The following ANKRD36B variants were observed in gnomAD, a reference collection of about 807,000 sequenced individuals.
ANKRD36B encodes ankyrin repeat domain-containing protein 36B.
ANKRD36B carries 37 observed loss-of-function variants against 135.7 expected under a neutral mutation model. That is an observed-to-expected ratio of 0.27 (90% CI 0.21 to 0.36). The LOEUF is 0.36. ANKRD36B is among the 10% of genes least tolerant of loss of function. The probability of loss-of-function intolerance (pLI) is 1.00; values close to 1 mark genes in which losing one functional copy is unlikely to be tolerated. For missense variants in ANKRD36B, 549 were observed against 1,037.1 expected, an observed-to-expected ratio of 0.53 and a Z score of 6.46; for synonymous variants, 179 against 348.1, an observed-to-expected ratio of 0.51 and a Z score of 5.41.
chr2:97,555,233 G>C lies in ANKRD36B; in HGVS notation c.1091C>G (p.Ala364Gly), dbSNP rs2080408765. The change falls in exon 13 of 44, where the codon GCC (alanine) becomes GGC (glycine). Residue 364 changes from alanine to glycine, a missense_variant. Coordinates refer to ENST00000359901, the MANE Select transcript of ANKRD36B (RefSeq NM_001393939.1). Reference sequence around the variant, plus strand: ...AAATGAGAATTTAATTACCTTTGAGGCTGGTTGTTTCTGAGAAGACACTGA... The same window carrying C: ...AAATGAGAATTTAATTACCTTTGAGCCTGGTTGTTTCTGAGAAGACACTGA... ...SGTVSSQKQP[A>G]SKTASDKTDS... 1 of 1,611,208 alleles carries C rather than the reference G, an allele frequency of 6.2e-7. No homozygotes were observed. The highest frequency in any genetic ancestry group is 8.5e-7 in the Non-Finnish European group (1 of 1,178,300).
chr2:97,548,993 T>C (rs1240309171), intron 20 of ANKRD36B, among the ~76,000 whole-genome samples: 1 of 151,902 alleles, frequency 6.6e-6, no homozygotes, highest in Non-Finnish European at 1.5e-5. Context: ...GGGGTCTCCT[T>C]AGTTCTCCTA....
At chr2:97,529,250 T>G (rs2104435097) in intron 35 of ANKRD36B, among the ~76,000 whole-genome samples, 1 of 95,410 alleles carries the variant, frequency 1.0e-5, no homozygotes, top group South Asian at 2.4e-4. Flanking sequence ...TGGTTCAATA[T>G]ACGCAAATCA....
At chr2:97,579,678 G>GTATATAT (rs1268769376) in intron 4 of ANKRD36B, among the ~76,000 whole-genome samples, 1 of 129,718 alleles carries the variant, frequency 7.7e-6, no homozygotes, top group Non-Finnish European at 1.7e-5. Flanking sequence ...AATATATATT[G>GTATATAT]TATATATTAT....
intron 6 of ANKRD36B, among the ~76,000 whole-genome samples, chr2:97,565,658 T>A (rs1345406883): frequency 6.6e-6 from 1 of 151,986 alleles, no homozygotes; most frequent in African/African-American, 2.4e-5. Context: ...TGAGATAACA[T>A]CTCATGCCAT....
At chr2:97,559,140 G>A in intron 8 of ANKRD36B, 146 bp from the exon 9 acceptor site, 2 of 1,013,088 alleles carry the variant, frequency 2.0e-6, no homozygotes, top group South Asian at 3.5e-5. Context: ...CTGGAGACTG[G>A]AACATGACAG....
chr2:97,555,827 T>C (rs1028463776), intron 12 of ANKRD36B, among the ~76,000 whole-genome samples: 3 of 152,046 alleles, frequency 2.0e-5, no homozygotes, highest in Admixed American at 6.6e-5. Flanking sequence ...TTATTTATAA[T>C]ACCCATGTGG....
rs1230202765 is a variant in ANKRD36B, at chr2:97,557,017, G to C, written c.997-8C>G. On this transcript the variant is annotated splice_polypyrimidine_tract_variant and splice_region_variant and intron_variant, in intron 11 of 43. Transcript: ENST00000359901. ...TTTCTTTTTAAATATAACCTGAATGGAAAGAGAAACAAAATAGTCAATACA... is the reference window on the plus strand; with the variant it reads ...TTTCTTTTTAAATATAACCTGAATGCAAAGAGAAACAAAATAGTCAATACA... The C allele has an allele frequency of 6.4e-7, 1 of 1,553,768 alleles. No homozygotes were observed.
Position 97,541,912 on chromosome 2 carries a change from T to C in ANKRD36B, c.1884A>G (p.Thr628=). The change falls in exon 28 of 44, where the codon ACA becomes ACG. Residue 628 remains threonine, a splice_region_variant and synonymous_variant. Coordinates refer to ENST00000359901, the MANE Select transcript of ANKRD36B (RefSeq NM_001393939.1). ...CATTAAAGGTGTATTCCAAAATACC[T>C]GTCCCACGTATTTGTCCATCCTTTA... ...TEIKDGQIRG[T]VSSQRRPALK... The C allele has an allele frequency of 3.6e-6, 3 of 826,134 alleles. No individual in the cohort carries two copies. The South Asian group carries it at 3.9e-5, about 11-fold the overall frequency. 51.2% of individuals were successfully genotyped at this position (826,134 alleles called of 1,614,324 possible).
intron 4 of ANKRD36B, among the ~76,000 whole-genome samples, chr2:97,580,105 A>G (rs560618355): frequency 1.3e-5 from 2 of 152,256 alleles, no homozygotes; most frequent in Non-Finnish European, 2.9e-5. Flanking sequence ...AAACCCCTTT[A>G]GCTAATGTAA....
intron 6 of ANKRD36B, among the ~76,000 whole-genome samples, chr2:97,575,336 G>A (rs1193181072): frequency 6.6e-6 from 1 of 151,620 alleles, no homozygotes; most frequent in African/African-American, 2.4e-5. Context: ...ATCATTCTAC[G>A]TCTGCATCTC....
chr2:97,548,131 C>T (rs1463502841), intron 20 of ANKRD36B, among the ~76,000 whole-genome samples: 1 of 151,780 alleles, frequency 6.6e-6, no homozygotes, highest in South Asian at 2.1e-4. Flanking sequence ...AGGATTTACA[C>T]CATTATACTA....
intron 1 of ANKRD36B, among the ~76,000 whole-genome samples, chr2:97,589,158 C>A (rs1273553617): frequency 8.7e-6 from 1 of 115,060 alleles, no homozygotes; most frequent in Non-Finnish European, 1.8e-5. Flanking sequence ...ACCCCATTCA[C>A]CCCCACACCT....
At chr2:97,531,550 G>C (rs1039934099) in intron 35 of ANKRD36B, among the ~76,000 whole-genome samples, 2 of 92,220 alleles carry the variant, frequency 2.2e-5, no homozygotes, top group African/African-American at 6.5e-5. Flanking sequence ...AAAATTTAAA[G>C]TACAATAATA....
chr2:97,562,527 T>C (rs1264725803), intron 6 of ANKRD36B, among the ~76,000 whole-genome samples: 1 of 152,030 alleles, frequency 6.6e-6, no homozygotes, highest in Non-Finnish European at 1.5e-5. Flanking sequence ...TCCTTGTAAC[T>C]TCTGCTTCTG....
intron 6 of ANKRD36B, 130 bp downstream of exon 6, chr2:97,576,249 T>A (rs1401315220): frequency 4.0e-6 from 1 of 248,474 alleles, no homozygotes; most frequent in Non-Finnish European, 8.5e-6. Flanking sequence ...AAATCTAGAC[T>A]ACTAAGTATT....
At chr2:97,567,942 A>G (rs2081567345) in intron 6 of ANKRD36B, among the ~76,000 whole-genome samples, 1 of 152,134 alleles carries the variant, frequency 6.6e-6, no homozygotes, top group Non-Finnish European at 1.5e-5. Flanking sequence ...GGCAATGCCT[A>G]CTGCATTTGC....
rs181367592 is a variant in ANKRD36B, at chr2:97,533,993, T to C, written c.2192-1609A>G. 9.6e-3 allele frequency among the ~76,000 whole-genome samples: 881 copies of C among 91,640 alleles called. 228 individuals carry two copies. Among genetic ancestry groups the C allele is most frequent in the African/African-American group, 0.027 (820 of 30,322 alleles). The allele number at this position is 91,640 out of a possible 152,430, so 60.1% of individuals were successfully genotyped here. A position where few individuals can be genotyped will look rare whatever the true frequency, so the allele number is the denominator to read the frequency against. ...ATCGCTTTAACCCGGGAGGTAGAGG[T>C]TGCAATGAGCCGAGATTGTGCCATT... On this transcript the variant is annotated intron_variant, in intron 34 of 43. Coordinates refer to ENST00000359901, the MANE Select transcript of ANKRD36B (RefSeq NM_001393939.1).
chr2:97,540,580 T>C lies in ANKRD36B; in HGVS notation c.1886-351A>G, dbSNP rs1217003488. ...ACCTGAGAATCAATGTCAAAGTAGG[T>C]GGTACTTGATCCCACAGGTCTTTCA... On this transcript the variant is annotated intron_variant, in intron 28 of 43. Transcript: ENST00000359901. 2.1e-5 allele frequency among the ~76,000 whole-genome samples: 2 copies of C among 95,834 alleles called. 1 individual carries two copies. The highest frequency in any genetic ancestry group is 5.6e-5 in the Non-Finnish European group (2 of 35,884). 62.9% of individuals were successfully genotyped at this position (95,834 alleles called of 152,430 possible).
At chr2:97,556,541 G>A (rs1331329567) in intron 12 of ANKRD36B, among the ~76,000 whole-genome samples, 1 of 151,670 alleles carries the variant, frequency 6.6e-6, no homozygotes. Context: ...CAGTGTCTAC[G>A]GGTTATTATG....
Sources: gnomAD v4.1 joint callset for allele counts (sites outside exome capture counted in the v4.1 genomes callset) on GRCh38, gnomAD v4.1.1 for gene constraint, MANE v1.5 for transcripts, NCBI Gene and HGNC (gene_info 2026-07-23, HGNC 2026-07-21) for gene names.